Variants in IQCF3 observed in about 807,000 individuals in gnomAD.
IQCF3 encodes the protein IQ motif containing F3.
IQCF3 carries 7 observed loss-of-function variants against 5.1 expected under a neutral mutation model. The observed-to-expected ratio is 1.36, with a 90% CI of 0.78 to 2.56. IQCF3 has a LOEUF of 2.56. Ranked by LOEUF, IQCF3 falls within the 30% of genes most tolerant of loss-of-function variation. The pLI is 0.00. For missense variants in IQCF3, 189 were observed against 196.5 expected (o/e 0.96, Z 0.23); for synonymous variants, 82 against 72.8 (o/e 1.13, Z -0.64).
chr3:51,830,834 C>A lies in IQCF3; in HGVS notation c.*33C>A, dbSNP rs1171514407. The A allele has an allele frequency of 4.6e-6, 7 of 1,524,354 alleles. No individual in the cohort carries two copies. Among genetic ancestry groups the A allele is most frequent in the Non-Finnish European group, 6.2e-6 (7 of 1,135,780 alleles). 94.4% of individuals were successfully genotyped at this position (1,524,354 alleles called of 1,614,324 possible). On this transcript the variant is annotated 3_prime_UTR_variant, in exon 3 of 3. Transcript: ENST00000440739. This position sits in a 1 kb window ranked among gnomAD's most constrained non-coding sequence, Gnocchi z 4.1. ...GGGGCATGGAGAACAGGCTGCACTA[C>A]CCTAATAAATGTCTGACCAGGTTGT...
rs770965729 is a variant in IQCF3, at chr3:51,830,684, C to T, written c.348C>T (p.Leu116=). 6.2e-7 allele frequency: 1 copy of T among 1,614,036 alleles called. No individual in the cohort carries two copies. Among genetic ancestry groups the T allele is most frequent in the Admixed American group, 1.7e-5 (1 of 60,030 alleles). ...RQCYRQMCNA[L]CLFQVPESSL... ...GTTACCGCCAAATGTGCAATGCTCT[C>T]TGCTTGTTCCAGGTCCCAGAGAGCA... Residue 116 remains leucine, a synonymous_variant, in exon 3 of 3, where the codon CTC becomes CTT. Coordinates refer to ENST00000440739, the MANE Select transcript of IQCF3 (RefSeq NM_001393887.1). This position sits in a 1 kb window ranked among gnomAD's most constrained non-coding sequence, Gnocchi z 4.1.
rs138354019 is a variant in IQCF3 at position 51,830,215 on chromosome 3, G to A, written c.67-188G>A. Among the ~76,000 whole-genome samples the A allele has an allele frequency of 9.8e-5, 15 of 152,286 alleles. No individual in the cohort carries two copies. Among genetic ancestry groups the A allele is most frequent in the Admixed American group, 4.6e-4 (7 of 15,300 alleles). On this transcript the variant is annotated intron_variant, in intron 2 of 2. Transcript: ENST00000440739. The surrounding 1 kb of genome is among the most constrained non-coding windows in gnomAD (Gnocchi z 4.1). ...GAAGTCCACAGATCAAACATATCCC[G>A]ATTTCATAGATGAGGGCACTGGGAC... is the stretch of plus-strand genomic sequence containing the variant.
At chr3:51,829,906 A>T in intron 2 of IQCF3, 194 bp downstream of exon 2, 1 of 607,180 alleles carries the variant, frequency 1.6e-6, no homozygotes, top group Admixed American at 2.8e-5. Context: ...CAGCCACCTG[A>T]TAGGTGGGGC....
upstream of IQCF3, chr3:51,829,299 A>G: frequency 1.5e-6 from 1 of 660,304 alleles, no homozygotes; most frequent in Non-Finnish European, 2.7e-6. Context: ...AGTCAACAGG[A>G]GAGCCAGGTA....
At chr3:51,828,428 A>G (rs2107192813), upstream of IQCF3, 1 of 152,364 alleles carries the variant, frequency 6.6e-6, no homozygotes, top group Admixed American at 6.5e-5. Context: ...CTATTAAGAT[A>G]ATCATGTGGT....
chr3:51,829,510 C>T lies in IQCF3; in HGVS notation c.18+17C>T. The T allele has an allele frequency of 6.3e-7, 1 of 1,597,028 alleles. No homozygotes were observed. Among genetic ancestry groups the T allele is most frequent in the Non-Finnish European group, 8.5e-7 (1 of 1,171,772 alleles). On this transcript the variant is annotated intron_variant, in intron 1 of 2. Coordinates refer to ENST00000440739, the MANE Select transcript of IQCF3 (RefSeq NM_001393887.1). Reference sequence around the variant, plus strand: ...AAATGCTGTGTAAGACTCAGGCACACAAACTCCCCCAGGGGTGGGAGTTGT... The same window carrying T: ...AAATGCTGTGTAAGACTCAGGCACATAAACTCCCCCAGGGGTGGGAGTTGT...
upstream of IQCF3, chr3:51,829,357 C>T: frequency 1.7e-6 from 2 of 1,145,576 alleles, no homozygotes; most frequent in Non-Finnish European, 2.6e-6. Context: ...CACTGTGGCC[C>T]CTGGTCATAG....
chr3:51,829,197 G>A, upstream of IQCF3: 1 of 500,396 alleles, frequency 2.0e-6, no homozygotes, highest in East Asian at 3.6e-5. Flanking sequence ...AACTGTGGAA[G>A]GAAAGGCAAC....
In IQCF3 at chr3:51,830,202, T is replaced by C. The variant is rs1698347155; in HGVS notation, c.67-201T>C. ...CCCATAAACCCGAGAAGTCCACAGA[T>C]CAAACATATCCCGATTTCATAGATG... On this transcript the variant is annotated intron_variant, in intron 2 of 2. Coordinates refer to ENST00000440739, the MANE Select transcript of IQCF3 (RefSeq NM_001393887.1). The surrounding 1 kb of genome is among the most constrained non-coding windows in gnomAD (Gnocchi z 4.1). Among the ~76,000 whole-genome samples, 1 of 151,994 alleles carries C rather than the reference T, an allele frequency of 6.6e-6. No homozygotes were observed. Among genetic ancestry groups the C allele is most frequent in the Non-Finnish European group, 1.5e-5 (1 of 68,010 alleles).
chr3:51,827,469 T>C (rs922335331), upstream of IQCF3: 1 of 152,110 alleles, frequency 6.6e-6, no homozygotes, highest in African/African-American at 2.4e-5. Context: ...TGGGAGAGAA[T>C]AAGACAGGAA....
At position 51,829,463 on chromosome 3, in the gene IQCF3, A is replaced by ACTGCT; in HGVS notation, c.-11_-7dup. The ACTGCT allele has an allele frequency of 6.3e-7, 1 of 1,596,332 alleles. No homozygotes were observed. The highest frequency in any genetic ancestry group is 8.5e-7 in the Non-Finnish European group (1 of 1,171,494). On this transcript the variant is annotated 5_prime_UTR_variant, in exon 1 of 3. Coordinates refer to ENST00000440739, the MANE Select transcript of IQCF3 (RefSeq NM_001393887.1). ...CCAGAGGGAGATGATCACCTGAACC[A>ACTGCT]CTGCTCCAAACCATGGGCAGTAAAT... is the stretch of plus-strand genomic sequence containing the variant.
intron 2 of IQCF3, chr3:51,829,939 C>T: frequency 1.8e-6 from 1 of 568,556 alleles, no homozygotes; most frequent in Non-Finnish European, 3.2e-6. Context: ...GTGGAAAGGC[C>T]CAGGAGAATG....
At chr3:51,828,028 T>G (rs1698311538), upstream of IQCF3, 1 of 152,324 alleles carries the variant, frequency 6.6e-6, no homozygotes, top group South Asian at 2.1e-4. Context: ...CTCAGGTATT[T>G]TTTTTTCTTT....
At position 51,830,470 on chromosome 3, in the gene IQCF3, G is replaced by A. The variant is rs369325050; in HGVS notation, c.134G>A (p.Arg45His). 1.1e-4 allele frequency: 176 copies of A among 1,607,232 alleles called. No homozygotes were observed. The highest frequency in any genetic ancestry group is 4.9e-4 in the East Asian group (22 of 44,856). ...GCTGGGCAGATCCAGGCCTGGTGGC[G>A]TGGGGTCCTGGTGCGCAGGACCCTG... Reference protein sequence around the residue: ...KAAGQIQAWWRGVLVRRTLLV... With the variant: ...KAAGQIQAWWHGVLVRRTLLV... The change falls in exon 3 of 3, where the codon CGT becomes CAT. Residue 45 changes from arginine to histidine, a missense_variant. Transcript: ENST00000440739. This position sits in a 1 kb window ranked among gnomAD's most constrained non-coding sequence, Gnocchi z 4.1.
At chr3:51,828,474 T>G (rs1698319957), upstream of IQCF3, 1 of 152,254 alleles carries the variant, frequency 6.6e-6, no homozygotes, top group Non-Finnish European at 1.5e-5. Context: ...ATTAATCACA[T>G]TTTATTGATT....
chr3:51,828,987 GT>G (rs1251511202), upstream of IQCF3, among the ~76,000 whole-genome samples: 1 of 151,942 alleles, frequency 6.6e-6, no homozygotes, highest in Non-Finnish European at 1.5e-5. Context: ...GGGGTCCGTG[GT>G]AACATCCCCT....
rs1235056669 is a variant in IQCF3, at chr3:51,829,496, A to G, written c.18+3A>G. 3 of 1,598,388 alleles carry G rather than the reference A, an allele frequency of 1.9e-6. No individual in the cohort carries two copies. Among genetic ancestry groups the G allele is most frequent in the Non-Finnish European group, 2.6e-6 (3 of 1,172,444 alleles). On this transcript the variant is annotated splice_donor_region_variant and intron_variant, in intron 1 of 2. Coordinates refer to ENST00000440739, the MANE Select transcript of IQCF3 (RefSeq NM_001393887.1). ...AAACCATGGGCAGTAAATGCTGTGT[A>G]AGACTCAGGCACACAAACTCCCCCA...
rs969208947 is a variant in IQCF3 at position 51,830,265 on chromosome 3, C to T, written c.67-138C>T. 1 of 842,228 alleles carries T rather than the reference C, an allele frequency of 1.2e-6. No homozygotes were observed. Among genetic ancestry groups the T allele is most frequent in the Admixed American group, 3.1e-5 (1 of 32,624 alleles). 52.2% of individuals were successfully genotyped at this position (842,228 alleles called of 1,614,324 possible). On this transcript the variant is annotated intron_variant, in intron 2 of 2. Transcript: ENST00000440739. This position sits in a 1 kb window ranked among gnomAD's most constrained non-coding sequence, Gnocchi z 4.1. Reference sequence around the variant, plus strand: ...CTGTGAGGGTGTCCAGAGCCATGAACAGGACAGAAGTAGAGGACAAACCCC... The same window carrying T: ...CTGTGAGGGTGTCCAGAGCCATGAATAGGACAGAAGTAGAGGACAAACCCC...
upstream of IQCF3, among the ~76,000 whole-genome samples, chr3:51,828,958 T>C (rs1698325925): frequency 6.6e-6 from 1 of 152,230 alleles, no homozygotes; most frequent in African/African-American, 2.4e-5. Flanking sequence ...TAGTCTCTGA[T>C]GGTTATTTTT....
Sources: allele counts gnomAD v4.1 joint callset (sites outside exome capture counted in the v4.1 genomes callset), GRCh38; gene constraint gnomAD v4.1.1; non-coding constraint Gnocchi (gnomAD v3.1); transcripts MANE v1.5; gene names NCBI Gene and HGNC (gene_info 2026-07-23, HGNC 2026-07-21).